BCO1: variants seen among roughly 807,000 people sequenced by gnomAD.
BCO1 encodes the protein beta-carotene oxygenase 1, also known as beta,beta-carotene 15,15'-dioxygenase.
Under a neutral mutation model 56.3 loss-of-function variants are expected in BCO1, and 54 were observed. The ratio of observed to expected loss-of-function variants is 0.96; its 90% CI spans 0.77 to 1.20. The LOEUF (loss-of-function observed/expected upper bound fraction) is 1.20, where lower values mean the gene tolerates loss of function less well. Ranked by LOEUF, BCO1 falls within the 50% of genes most tolerant of loss-of-function variation. The pLI is 0.00. For synonymous variants in BCO1, 318 were observed against 266.1 expected (o/e 1.20, Z -1.90); for missense variants, 801 against 690.9 (o/e 1.16, Z -1.79).
intron 1 of BCO1, 41 bp downstream of exon 1, chr16:81,239,013 T>C: frequency 6.5e-7 from 1 of 1,532,068 alleles, no homozygotes; most frequent in South Asian, 1.2e-5. Flanking sequence ...CTTCTATTTA[T>C]TTTATTATTT....
At chr16:81,251,325 G>A (rs1905784126) in intron 2 of BCO1, among the ~76,000 whole-genome samples, 1 of 152,112 alleles carries the variant, frequency 6.6e-6, no homozygotes, top group Admixed American at 6.6e-5. Context: ...TTTAGAGGCT[G>A]AGGTGGGAGG....
At chr16:81,259,220 A>T (rs560040693) in intron 2 of BCO1, among the ~76,000 whole-genome samples, 18 of 152,302 alleles carry the variant, frequency 1.2e-4, no homozygotes, top group Middle Eastern at 3.4e-3. Context: ...CAGGCCGGGC[A>T]TGGTGGCTCA....
At chr16:81,243,493 G>C (rs1395069540) in intron 1 of BCO1, among the ~76,000 whole-genome samples, 1 of 131,592 alleles carries the variant, frequency 7.6e-6, no homozygotes, top group Non-Finnish European at 1.7e-5. Flanking sequence ...TTATGAGACG[G>C]AGTCTTGCTC....
At position 81,243,003 on chromosome 16, in the gene BCO1, G is replaced by C. The variant is rs1356087434; in HGVS notation, c.65-2472G>C. 3.9e-5 allele frequency among the ~76,000 whole-genome samples: 6 copies of C among 152,170 alleles called. No homozygotes were observed. The East Asian group carries it at 1.2e-3, about 29-fold the overall frequency. ...CAAAACCAGTCCCTGGTGCCAAAAA[G>C]TTTGGGGACCACTGATCTATATGGA... On this transcript the variant is annotated intron_variant, in intron 1 of 10. Transcript: ENST00000258168.
intron 1 of BCO1, among the ~76,000 whole-genome samples, chr16:81,240,097 C>A (rs1905046413): frequency 6.6e-6 from 1 of 151,772 alleles, no homozygotes; most frequent in Non-Finnish European, 1.5e-5. Context: ...TATATATTTT[C>A]CTGGTTACAA....
chr16:81,262,836 C>CA lies in BCO1; in HGVS notation c.471+573dup, dbSNP rs1157316912. 262 of 112,784 alleles carry CA rather than the reference C, an allele frequency of 2.3e-3. 1 individual carries two copies. The highest frequency in any genetic ancestry group is 4.9e-3 in the African/African-American group (151 of 30,902). 7.0% of individuals were successfully genotyped at this position (112,784 alleles called of 1,614,324 possible). A position where few individuals can be genotyped will look rare whatever the true frequency, so the allele number is the denominator to read the frequency against. ...AGTGAGACTCTGTCTCAAACAAAAACAAAAAAAAAAAAAAAAAAAACAAGA... is the reference window on the plus strand; with the variant it reads ...AGTGAGACTCTGTCTCAAACAAAAACAAAAAAAAAAAAAAAAAAAAACAAGA... On this transcript the variant is annotated intron_variant, in intron 4 of 10. Coordinates refer to ENST00000258168, the MANE Select transcript of BCO1 (RefSeq NM_017429.3).
At chr16:81,248,405 C>CAAAAAAAAAAAAAA (rs372084002) in intron 2 of BCO1, among the ~76,000 whole-genome samples, 12 of 102,788 alleles carry the variant, frequency 1.2e-4, no homozygotes, top group African/African-American at 4.6e-4. Context: ...CTCCCTCTCA[C>CAAAAAAAAAAAAAA]AAAAAAAAAA....
chr16:81,280,087 A>G (rs914666463), intron 7 of BCO1, among the ~76,000 whole-genome samples: 1 of 151,812 alleles, frequency 6.6e-6, no homozygotes, highest in African/African-American at 2.4e-5. Flanking sequence ...ACATGATGAA[A>G]CCCCATCTCC....
chr16:81,252,983 C>G (rs1204657806), intron 2 of BCO1, among the ~76,000 whole-genome samples: 2 of 152,136 alleles, frequency 1.3e-5, no homozygotes, highest in Non-Finnish European at 2.9e-5. Flanking sequence ...GTGGCAGGCA[C>G]CTGTCATGCC....
intron 7 of BCO1, among the ~76,000 whole-genome samples, chr16:81,270,698 G>C (rs1459777127): frequency 1.3e-5 from 2 of 150,976 alleles, no homozygotes; most frequent in South Asian, 2.1e-4. Flanking sequence ...GTGTCTGTGT[G>C]TGTGTGTGTG....
At chr16:81,282,053 C>T (rs925241520) in intron 8 of BCO1, among the ~76,000 whole-genome samples, 2 of 152,216 alleles carry the variant, frequency 1.3e-5, no homozygotes, top group African/African-American at 4.8e-5. Flanking sequence ...TCCAAGGAGA[C>T]TCAGCTAGAG....
rs200091655 is a variant in BCO1 at position 81,267,977 on chromosome 16, T to A, written c.689T>A (p.Leu230Gln). Reference sequence around the variant, plus strand: ...TTCTGCTCCATCCCATCCCGCTCCCTGCTCTCCCCAAGCTACTACCACAGC... The same window carrying A: ...TTCTGCTCCATCCCATCCCGCTCCCAGCTCTCCCCAAGCTACTACCACAGC... ...EVFCSIPSRS[L>Q]LSPSYYHSFG... Residue 230 changes from leucine to glutamine, a missense_variant, in exon 6 of 11, where the codon CTG becomes CAG. By Grantham distance (113) the Leu-to-Gln change is moderately radical. Coordinates refer to ENST00000258168, the MANE Select transcript of BCO1 (RefSeq NM_017429.3). The A allele has an allele frequency of 6.2e-7, 1 of 1,614,022 alleles. No individual in the cohort carries two copies. The highest frequency in any genetic ancestry group is 8.5e-7 in the Non-Finnish European group (1 of 1,180,022).
chr16:81,284,297 T>C (rs1280472029), intron 8 of BCO1, among the ~76,000 whole-genome samples: 2 of 145,808 alleles, frequency 1.4e-5, no homozygotes, highest in Non-Finnish European at 3.0e-5. Flanking sequence ...TATATTTATA[T>C]ATACACACAC....
At chr16:81,268,196 G>A in intron 6 of BCO1, 65 bp downstream of exon 6, 1 of 1,462,004 alleles carries the variant, frequency 6.8e-7, no homozygotes, top group Non-Finnish European at 9.5e-7. Flanking sequence ...CTGGTGTGCA[G>A]GAGGGTGAAG....
intron 10 of BCO1, among the ~76,000 whole-genome samples, chr16:81,289,195 C>T (rs542672728): frequency 6.6e-6 from 1 of 152,210 alleles, no homozygotes; most frequent in Non-Finnish European, 1.5e-5. Flanking sequence ...CCTCTGGAGG[C>T]ATTGAGAGTA....
intron 8 of BCO1, among the ~76,000 whole-genome samples, chr16:81,281,552 C>T (rs529591788): frequency 1.7e-4 from 26 of 152,312 alleles, no homozygotes; most frequent in Non-Finnish European, 2.5e-4. Context: ...AGGCACAATA[C>T]ATTTCCATTT....
intron 7 of BCO1, among the ~76,000 whole-genome samples, chr16:81,275,880 G>A (rs1210680680): frequency 2.0e-5 from 3 of 152,214 alleles, no homozygotes; most frequent in Non-Finnish European, 2.9e-5. Flanking sequence ...TACGCAGGGC[G>A]GTGTGGGGGT....
chr16:81,286,322 A>T (rs1432188988), intron 9 of BCO1, among the ~76,000 whole-genome samples: 1 of 152,126 alleles, frequency 6.6e-6, no homozygotes, highest in Non-Finnish European at 1.5e-5. Context: ...TTTAAAATGC[A>T]AACAGAGCAG....
intron 1 of BCO1, among the ~76,000 whole-genome samples, chr16:81,240,973 G>T (rs113744668): frequency 0.024 from 3,572 of 150,666 alleles, 133 homozygotes; most frequent in African/African-American, 0.082. Context: ...TAGCTGGAAT[G>T]ACAGGCATGC....
Sources: gnomAD v4.1 joint callset for allele counts (sites outside exome capture counted in the v4.1 genomes callset) on GRCh38, gnomAD v4.1.1 for gene constraint, MANE v1.5 for transcripts, NCBI Gene and HGNC (gene_info 2026-07-23, HGNC 2026-07-21) for gene names.